Variants in MYO5B observed in about 807,000 individuals in gnomAD.
MYO5B encodes the protein myosin VB, also known as unconventional myosin-Vb.
A neutral mutation model predicts 229.3 loss-of-function variants in MYO5B; 143 were observed. The ratio of observed to expected loss-of-function variants is 0.62; its 90% CI spans 0.54 to 0.72. The LOEUF (loss-of-function observed/expected upper bound fraction) is 0.72, where lower values mean the gene tolerates loss of function less well. Among genes scored for constraint, MYO5B ranks in the 30% least tolerant of loss-of-function variants. The pLI is 0.00. For missense variants in MYO5B, 2,321 were observed against 2,331.0 expected (o/e 1.00, Z 0.09); for synonymous variants, 918 against 885.2 (o/e 1.04, Z -0.66).
chr18:49,937,539 C>T (rs945031726), intron 14 of MYO5B, 142 bp from the exon 15 acceptor site: 13 of 985,194 alleles, frequency 1.3e-5, no homozygotes, highest in Middle Eastern at 2.1e-4. Flanking sequence ...TGCACAGCAG[C>T]GTTACTCCCA....
At chr18:50,193,049 C>T (rs2033249864) in intron 1 of MYO5B, among the ~76,000 whole-genome samples, 1 of 152,228 alleles carries the variant, frequency 6.6e-6, no homozygotes, top group Non-Finnish European at 1.5e-5. Flanking sequence ...TCTCCATGCA[C>T]TTTAATGTAA....
At chr18:49,839,325 TC>T (rs750761875) in intron 35 of MYO5B, 31 bp from the exon 36 acceptor site, 1 of 1,610,126 alleles carries the variant, frequency 6.2e-7, no homozygotes, top group South Asian at 1.1e-5. Flanking sequence ...ACTACTGAGT[TC>T]TCTGGTCTGC....
rs116291056 is a variant in MYO5B at position 49,915,272 on chromosome 18, C to G, written c.2091-3099G>C. Among the ~76,000 whole-genome samples the G allele has an allele frequency of 8.4e-3, 1,273 of 152,224 alleles. 20 individuals are homozygous for G. The highest frequency in any genetic ancestry group is 0.029 in the African/African-American group (1,192 of 41,506). On this transcript the variant is annotated intron_variant, in intron 17 of 39. Transcript: ENST00000285039. The stretch of plus-strand genomic sequence containing the variant: ...TATATTTGCGAAGTTGTGCAACTAT[C>G]ACACCCTATTCTGCCCTATTCTCCC...
chr18:50,011,372 C>T (rs1489699412), intron 4 of MYO5B, among the ~76,000 whole-genome samples: 6 of 152,122 alleles, frequency 3.9e-5, no homozygotes, highest in Non-Finnish European at 7.4e-5. Flanking sequence ...TCTCCTCTTC[C>T]TTTGTGATTA....
chr18:50,130,516 G>C (rs755313296), intron 1 of MYO5B, among the ~76,000 whole-genome samples: 4 of 152,146 alleles, frequency 2.6e-5, no homozygotes, highest in Non-Finnish European at 4.4e-5. Flanking sequence ...GTCTTCCTGG[G>C]CATTGGCAAA....
rs2023809549 is a variant in MYO5B, at chr18:49,824,126, T to C, written c.*2345A>G. 6.6e-6 allele frequency: 1 copy of C among 152,566 alleles called. No individual in the cohort carries two copies. The highest frequency in any genetic ancestry group is 2.1e-4 in the South Asian group (1 of 4,836). 9.5% of individuals were successfully genotyped at this position (152,566 alleles called of 1,614,324 possible). A position where few individuals can be genotyped will look rare whatever the true frequency, so the allele number is the denominator to read the frequency against. On this transcript the variant is annotated 3_prime_UTR_variant, in exon 40 of 40. Coordinates refer to ENST00000285039, the MANE Select transcript of MYO5B (RefSeq NM_001080467.3). Reference sequence around the variant, plus strand: ...AGAGTCATTACTGATTTCATGACACTGATAAATGTTTGAATTGAAATGATT... The same window carrying C: ...AGAGTCATTACTGATTTCATGACACCGATAAATGTTTGAATTGAAATGATT...
chr18:50,178,681 A>C (rs1351980913), intron 1 of MYO5B, among the ~76,000 whole-genome samples: 3 of 152,196 alleles, frequency 2.0e-5, no homozygotes, highest in African/African-American at 7.2e-5. Flanking sequence ...TATTATTTAC[A>C]GCTCCAGACA....
At chr18:50,091,204 C>T (rs180699706) in intron 1 of MYO5B, among the ~76,000 whole-genome samples, 14 of 152,272 alleles carry the variant, frequency 9.2e-5, no homozygotes, top group South Asian at 2.1e-4. Flanking sequence ...ATCATTCAGA[C>T]GCACTGGAAG....
chr18:50,080,649 T>G (rs1416782731), intron 1 of MYO5B, among the ~76,000 whole-genome samples: 1 of 152,084 alleles, frequency 6.6e-6, no homozygotes, highest in African/African-American at 2.4e-5. Flanking sequence ...GGGGACAAAC[T>G]GAAAAAGCCT....
chr18:49,942,397 A>AACG (rs1555645750), intron 14 of MYO5B, among the ~76,000 whole-genome samples: 14 of 78,226 alleles, frequency 1.8e-4, no homozygotes, highest in African/African-American at 7.2e-4. Context: ...AAAAAAAAAA[A>AACG]AAAAAAAACT....
chr18:49,880,514 C>A, intron 22 of MYO5B, 59 bp from the exon 23 acceptor site: 2 of 1,357,402 alleles, frequency 1.5e-6, no homozygotes, highest in Non-Finnish European at 2.1e-6. Flanking sequence ...AGAGGCTCCT[C>A]TTGTGGGATT....
chr18:50,098,266 GGT>G (rs1491550396), intron 1 of MYO5B, among the ~76,000 whole-genome samples: 1 of 151,508 alleles, frequency 6.6e-6, no homozygotes, highest in East Asian at 1.9e-4. Context: ...CTTAAAATCA[GGT>G]TTTTTTTTAT....
chr18:49,843,062 C>T (rs1292901385), intron 34 of MYO5B, among the ~76,000 whole-genome samples, 179 bp downstream of exon 34: 1 of 152,214 alleles, frequency 6.6e-6, no homozygotes, highest in Admixed American at 6.5e-5. Context: ...GCCTGAGCAT[C>T]CTTCTCTGGG....
At chr18:50,055,889 C>A (rs947630067) in intron 1 of MYO5B, among the ~76,000 whole-genome samples, 2 of 152,152 alleles carry the variant, frequency 1.3e-5, no homozygotes, top group African/African-American at 4.8e-5. Flanking sequence ...TAAGTATCCT[C>A]AAGTTGTCAG....
At chr18:49,903,860 G>A (rs2024870390) in intron 20 of MYO5B, among the ~76,000 whole-genome samples, 2 of 152,242 alleles carry the variant, frequency 1.3e-5, no homozygotes, top group African/African-American at 4.8e-5. Context: ...AACACAAAGA[G>A]CAAGAACCTG....
chr18:49,978,694 T>TACACACAGACACACAC (rs2025780311), intron 9 of MYO5B, among the ~76,000 whole-genome samples: 1 of 139,140 alleles, frequency 7.2e-6, no homozygotes, highest in Non-Finnish European at 1.5e-5. Flanking sequence ...CAGCAAGTAA[T>TACACACAGACACACAC]ACACACACAC....
At chr18:49,968,858 G>C (rs2025656624) in intron 10 of MYO5B, among the ~76,000 whole-genome samples, 1 of 152,136 alleles carries the variant, frequency 6.6e-6, no homozygotes, top group African/African-American at 2.4e-5. Context: ...GTGAGACCTG[G>C]ACTGCCACAT....
At chr18:50,181,965 T>C (rs1424260725) in intron 1 of MYO5B, among the ~76,000 whole-genome samples, 1 of 152,204 alleles carries the variant, frequency 6.6e-6, no homozygotes, top group African/African-American at 2.4e-5. Flanking sequence ...TTTATCTCCC[T>C]TTAACATACT....
At chr18:50,124,064 G>A (rs1021811557) in intron 1 of MYO5B, among the ~76,000 whole-genome samples, 3 of 152,080 alleles carry the variant, frequency 2.0e-5, no homozygotes, top group African/African-American at 4.8e-5. Context: ...GTGCTTTTGC[G>A]CTTAGTAAAT....
Sources: allele counts gnomAD v4.1 joint callset (sites outside exome capture counted in the v4.1 genomes callset), GRCh38; gene constraint gnomAD v4.1.1; transcripts MANE v1.5; gene names NCBI Gene and HGNC (gene_info 2026-07-23, HGNC 2026-07-21).